Variants in ANKS1B observed in about 807,000 individuals in gnomAD.
The protein encoded by ANKS1B is ankyrin repeat and sterile alpha motif domain containing 1B, also known as ankyrin repeat and sterile alpha motif domain-containing protein 1B.
A neutral mutation model predicts 148.3 loss-of-function variants in ANKS1B; 36 were observed. The observed-to-expected ratio is 0.24, with a 90% CI of 0.19 to 0.32. ANKS1B has a LOEUF of 0.32. Among genes scored for constraint, ANKS1B ranks in the 10% least tolerant of loss-of-function variants. The pLI, the probability that ANKS1B is intolerant of heterozygous loss-of-function variation, is 1.00. For missense variants in ANKS1B, 1,157 were observed against 1,542.6 expected (o/e 0.75, Z 4.19); for synonymous variants, 542 against 560.8 (o/e 0.97, Z 0.47).
At chr12:98,868,038 C>T (rs942880433) in intron 17 of ANKS1B, among the ~76,000 whole-genome samples, 1 of 152,120 alleles carries the variant, frequency 6.6e-6, no homozygotes, top group Non-Finnish European at 1.5e-5. Flanking sequence ...GCGATCTAAA[C>T]ACCACAGTCC....
At chr12:99,541,852 TA>T (rs142078756) in intron 9 of ANKS1B, among the ~76,000 whole-genome samples, 114 of 144,826 alleles carry the variant, frequency 7.9e-4, no homozygotes, top group Middle Eastern at 3.5e-3. Flanking sequence ...AGACTCCGTC[TA>T]AAAAAAAAAA....
intron 14 of ANKS1B, among the ~76,000 whole-genome samples, chr12:99,188,824 A>G (rs1326296784): frequency 1.3e-5 from 2 of 152,220 alleles, no homozygotes; most frequent in Non-Finnish European, 2.9e-5. Flanking sequence ...AAGGTAGCAG[A>G]GGACAAGAAA....
At chr12:98,987,246 G>A (rs1432214827) in intron 17 of ANKS1B, among the ~76,000 whole-genome samples, 1 of 149,560 alleles carries the variant, frequency 6.7e-6, no homozygotes, top group Non-Finnish European at 1.5e-5. Flanking sequence ...GCAATAAATA[G>A]GTCAAAATTG....
intron 15 of ANKS1B, among the ~76,000 whole-genome samples, chr12:99,090,734 A>T (rs1244076435): frequency 6.6e-6 from 1 of 152,162 alleles, no homozygotes; most frequent in Non-Finnish European, 1.5e-5. Context: ...AGTCAATTTG[A>T]TATCAATTTA....
intron 2 of ANKS1B, among the ~76,000 whole-genome samples, chr12:99,816,771 A>G (rs2069229136): frequency 6.6e-6 from 1 of 151,736 alleles, no homozygotes; most frequent in African/African-American, 2.4e-5. Context: ...ATATCCATAT[A>G]TATCCAAAGT....
At chr12:99,601,417 CATT>C (rs1482370457) in intron 9 of ANKS1B, among the ~76,000 whole-genome samples, 1 of 151,962 alleles carries the variant, frequency 6.6e-6, no homozygotes, top group African/African-American at 2.4e-5. Context: ...AAACAGATGA[CATT>C]GTAGCTTTAG....
chr12:99,478,070 G>A (rs762291383), intron 10 of ANKS1B, among the ~76,000 whole-genome samples: 10 of 152,260 alleles, frequency 6.6e-5, no homozygotes, highest in African/African-American at 1.4e-4. Context: ...CTGACTTGAA[G>A]AAGTTCTTTG....
chr12:99,301,772 CA>C (rs564737016), intron 12 of ANKS1B, among the ~76,000 whole-genome samples: 69 of 151,964 alleles, frequency 4.5e-4, no homozygotes, highest in Admixed American at 1.9e-3. Context: ...AATTTATAAA[CA>C]TAATTACAGC....
intron 14 of ANKS1B, among the ~76,000 whole-genome samples, chr12:99,201,601 G>T (rs1417562005): frequency 2.0e-5 from 3 of 152,142 alleles, no homozygotes; most frequent in Non-Finnish European, 4.4e-5. Context: ...CTTGGTTTAG[G>T]TGAGCTTTCA....
chr12:98,801,000 A>T lies in ANKS1B; in HGVS notation c.3267T>A (p.Ala1089=), dbSNP rs1432427634. Residue 1089 remains alanine (A), a synonymous_variant, in exon 21 of 27, where the codon GCT becomes GCA. Coordinates refer to ENST00000683438, the MANE Select transcript of ANKS1B (RefSeq NM_001352186.2). ...TACTGAATTGAGGGTAACTTACAAA[A>T]GCTTTGTAATCACACGACTGGAAGA... ...KLIFQSCDYK[A]FYLGSMLIKE... The T allele has an allele frequency of 6.2e-7, 1 of 1,611,316 alleles. No individual in the cohort carries two copies. The highest frequency in any genetic ancestry group is 2.2e-5 in the East Asian group (1 of 44,824).
intron 9 of ANKS1B, among the ~76,000 whole-genome samples, chr12:99,554,189 T>C (rs2097253019): frequency 6.6e-6 from 1 of 152,134 alleles, no homozygotes; most frequent in African/African-American, 2.4e-5. Flanking sequence ...TTCAACTGCA[T>C]GGATAACATC....
intron 12 of ANKS1B, among the ~76,000 whole-genome samples, chr12:99,317,031 G>A (rs537103526): frequency 6.7e-6 from 1 of 150,124 alleles, no homozygotes; most frequent in East Asian, 2.0e-4. Flanking sequence ...TGGTCTGTGT[G>A]TGTTTTGGTA....
At chr12:99,118,205 A>G (rs747924210) in intron 15 of ANKS1B, among the ~76,000 whole-genome samples, 1 of 152,238 alleles carries the variant, frequency 6.6e-6, no homozygotes, top group Non-Finnish European at 1.5e-5. Flanking sequence ...ATTTGAAAAT[A>G]TCTATTCTTA....
chr12:98,815,063 A>G (rs1239537257), intron 19 of ANKS1B, among the ~76,000 whole-genome samples: 1 of 152,198 alleles, frequency 6.6e-6, no homozygotes, highest in Non-Finnish European at 1.5e-5. Context: ...TTTTCCTCCT[A>G]AAGGTGGACT....
chr12:99,817,217 A>T (rs928751978), intron 2 of ANKS1B, among the ~76,000 whole-genome samples: 3 of 147,636 alleles, frequency 2.0e-5, no homozygotes, highest in African/African-American at 7.5e-5. Flanking sequence ...TTCTACTTCC[A>T]TGAGATCCCC....
intron 17 of ANKS1B, among the ~76,000 whole-genome samples, chr12:98,998,690 A>G (rs1335971476): frequency 6.6e-6 from 1 of 152,240 alleles, no homozygotes; most frequent in Admixed American, 6.5e-5. Context: ...AGAGGCAGAA[A>G]AAAATCCTCA....
chr12:99,402,413 G>T (rs184307634), intron 11 of ANKS1B, among the ~76,000 whole-genome samples: 1 of 145,058 alleles, frequency 6.9e-6, no homozygotes, highest in Non-Finnish European at 1.5e-5. Context: ...TTATTTTATC[G>T]CCCAGGTATT....
At chr12:99,384,753 T>A (rs2093788320) in intron 12 of ANKS1B, among the ~76,000 whole-genome samples, 1 of 152,170 alleles carries the variant, frequency 6.6e-6, no homozygotes, top group Non-Finnish European at 1.5e-5. Flanking sequence ...CATCTCTGAT[T>A]CTTCTGACCA....
At chr12:99,918,433 C>A (rs900837623) in intron 1 of ANKS1B, among the ~76,000 whole-genome samples, 1 of 152,146 alleles carries the variant, frequency 6.6e-6, no homozygotes, top group Admixed American at 6.5e-5. Context: ...TATTTTGGTG[C>A]CTGATTTAAA....
Sources: allele counts gnomAD v4.1 joint callset (sites outside exome capture counted in the v4.1 genomes callset), GRCh38; gene constraint gnomAD v4.1.1; transcripts MANE v1.5; gene names NCBI Gene and HGNC (gene_info 2026-07-23, HGNC 2026-07-21).